The following PAG1 variants were observed in gnomAD, a reference collection of about 807,000 sequenced individuals.
PAG1 encodes the protein phosphoprotein associated with glycosphingolipid-enriched microdomains 1.
PAG1 carries 23 observed loss-of-function variants against 31.7 expected under a neutral mutation model. The observed-to-expected ratio is 0.73, with a 90% confidence interval of 0.52 to 1.03. The LOEUF is 1.03. PAG1 is among the 50% of genes least tolerant of loss of function. The pLI is 0.00. For synonymous variants in PAG1, 214 were observed against 210.3 expected (o/e 1.02, Z -0.15); for missense variants, 473 against 540.7 (o/e 0.87, Z 1.24).
At chr8:81,086,759 T>C (rs1056803664) in intron 1 of PAG1, among the ~76,000 whole-genome samples, 1 of 152,120 alleles carries the variant, frequency 6.6e-6, no homozygotes, top group Non-Finnish European at 1.5e-5. Flanking sequence ...GAAATGCAAA[T>C]TGAGGCCCAT....
At chr8:81,099,531 GC>G (rs1188765181) in intron 1 of PAG1, among the ~76,000 whole-genome samples, 1 of 151,974 alleles carries the variant, frequency 6.6e-6, no homozygotes, top group Non-Finnish European at 1.5e-5. Flanking sequence ...TATGGTACAG[GC>G]AATATAAAAA....
intron 2 of PAG1, chr8:81,040,892 AAG>A (rs1380237391): frequency 6.6e-6 from 1 of 152,218 alleles, no homozygotes; most frequent in African/African-American, 2.4e-5. Flanking sequence ...AAGAAGGAAA[AAG>A]AGAGGAAAGG....
chr8:81,005,964 A>G (rs1437377439), intron 3 of PAG1, among the ~76,000 whole-genome samples: 2 of 152,162 alleles, frequency 1.3e-5, no homozygotes, highest in Non-Finnish European at 2.9e-5. Flanking sequence ...ATTTTTTGAG[A>G]CGGAGTCTTG....
chr8:80,978,876 C>CT (rs1324019684), intron 8 of PAG1, among the ~76,000 whole-genome samples: 1 of 152,124 alleles, frequency 6.6e-6, no homozygotes, highest in African/African-American at 2.4e-5. Context: ...CTCTTTAAAA[C>CT]TTTCATCATT....
At chr8:80,983,712 T>C (rs1807356067) in intron 7 of PAG1, among the ~76,000 whole-genome samples, 1 of 152,372 alleles carries the variant, frequency 6.6e-6, no homozygotes, top group East Asian at 1.9e-4. Context: ...ATCTTTCTAA[T>C]GCTTGTAAGT....
chr8:81,052,227 TA>T (rs1357021522), intron 2 of PAG1, among the ~76,000 whole-genome samples: 1 of 152,166 alleles, frequency 6.6e-6, no homozygotes, highest in East Asian at 1.9e-4. Context: ...TTCATTTTCA[TA>T]GCTAAAACCT....
chr8:81,034,137 T>C (rs1162966003), intron 2 of PAG1, among the ~76,000 whole-genome samples: 1 of 152,240 alleles, frequency 6.6e-6, no homozygotes, highest in Non-Finnish European at 1.5e-5. Flanking sequence ...AGGTCATCCA[T>C]AAATCAACCC....
intron 4 of PAG1, among the ~76,000 whole-genome samples, chr8:80,991,762 T>C (rs1475266843): frequency 6.6e-6 from 1 of 152,004 alleles, no homozygotes; most frequent in Admixed American, 6.5e-5. Flanking sequence ...TGGCACCCCT[T>C]CTTCCGGGAA....
chr8:81,053,886 G>T (rs920405726), intron 2 of PAG1, among the ~76,000 whole-genome samples: 3 of 152,158 alleles, frequency 2.0e-5, no homozygotes, highest in Non-Finnish European at 4.4e-5. Flanking sequence ...CAGGGTATGC[G>T]AATGCTTTCT....
Position 81,015,211 on chromosome 8 carries a change from T to C in PAG1, c.-81+14785A>G, listed in dbSNP as rs543519689. ...ATGTGTGGATCAATCTAGAACTATA[T>C]GAGGCTTAGCTGGTTTTATGAAAAT... On this transcript the variant is annotated intron_variant, in intron 3 of 8. Coordinates refer to ENST00000220597, the MANE Select transcript of PAG1 (RefSeq NM_018440.4). Among the ~76,000 whole-genome samples, 3 of 152,318 alleles carry C rather than the reference T, an allele frequency of 2.0e-5. No homozygotes were observed. The South Asian group carries it at 6.2e-4, about 32-fold the overall frequency.
At chr8:81,036,886 A>C (rs374875625) in intron 2 of PAG1, 4 of 151,536 alleles carry the variant, frequency 2.6e-5, no homozygotes, top group African/African-American at 9.7e-5. Context: ...TTTTTCACAC[A>C]CTCGAACAGC....
chr8:81,023,451 C>G (rs1808221884), intron 3 of PAG1, among the ~76,000 whole-genome samples: 1 of 151,952 alleles, frequency 6.6e-6, no homozygotes, highest in African/African-American at 2.4e-5. Flanking sequence ...AATAATCAAC[C>G]TGCAATAATT....
chr8:81,001,383 A>C (rs1807782081), intron 3 of PAG1, among the ~76,000 whole-genome samples: 1 of 152,220 alleles, frequency 6.6e-6, no homozygotes, highest in African/African-American at 2.4e-5. Flanking sequence ...CAGATCTTCA[A>C]AGGTGGTAAG....
At chr8:81,057,542 A>G (rs2130907847) in intron 2 of PAG1, among the ~76,000 whole-genome samples, 1 of 145,112 alleles carries the variant, frequency 6.9e-6, no homozygotes, top group East Asian at 2.1e-4. Context: ...CAGGAAGGGG[A>G]ACATCACACA....
chr8:81,101,492 T>C (rs1395364174), intron 1 of PAG1, among the ~76,000 whole-genome samples: 1 of 152,164 alleles, frequency 6.6e-6, no homozygotes, highest in East Asian at 1.9e-4. Context: ...ACCATTCTAG[T>C]TTTCAGCCAT....
intron 3 of PAG1, among the ~76,000 whole-genome samples, chr8:81,011,540 C>T (rs560998146): frequency 5.3e-5 from 8 of 152,224 alleles, no homozygotes; most frequent in Admixed American, 3.9e-4. Flanking sequence ...TCTTTATCAG[C>T]AGCATGAAAA....
At chr8:81,072,240 T>C (rs1716628030) in intron 1 of PAG1, among the ~76,000 whole-genome samples, 1 of 152,220 alleles carries the variant, frequency 6.6e-6, no homozygotes, top group African/African-American at 2.4e-5. Context: ...CCCCAACTTG[T>C]TCCAACCTCC....
chr8:81,070,426 G>A (rs749178597), intron 1 of PAG1, among the ~76,000 whole-genome samples: 13 of 152,098 alleles, frequency 8.5e-5, no homozygotes, highest in Non-Finnish European at 1.6e-4. Flanking sequence ...ATGTAGAAAA[G>A]TAAAAATGAT....
chr8:81,059,045 C>G (rs1327639189), intron 2 of PAG1, among the ~76,000 whole-genome samples: 1 of 151,900 alleles, frequency 6.6e-6, no homozygotes, highest in Admixed American at 6.6e-5. Context: ...TCCAGAACCC[C>G]CCTCAGATAC....
Sources: allele counts gnomAD v4.1 joint callset (sites outside exome capture counted in the v4.1 genomes callset), GRCh38; gene constraint gnomAD v4.1.1; transcripts MANE v1.5; gene names NCBI Gene and HGNC (gene_info 2026-07-23, HGNC 2026-07-21).